Variants in SIPA1L1 observed in about 807,000 individuals in gnomAD.
SIPA1L1 encodes signal-induced proliferation-associated 1-like protein 1.
A neutral mutation model predicts 162.7 loss-of-function variants in SIPA1L1; 26 were observed. The ratio of observed to expected loss-of-function variants is 0.16; its 90% CI spans 0.12 to 0.22. SIPA1L1 has a LOEUF of 0.22. SIPA1L1 is among the 10% of genes least tolerant of loss of function. SIPA1L1 has a pLI of 1.00. For synonymous variants in SIPA1L1, 829 were observed against 837.4 expected (o/e 0.99, Z 0.17); for missense variants, 1,874 against 2,241.0 (o/e 0.84, Z 3.31).
chr14:71,469,367 G>A (rs958468488), intron 2 of SIPA1L1, among the ~76,000 whole-genome samples: 8 of 152,192 alleles, frequency 5.3e-5, no homozygotes, highest in African/African-American at 1.9e-4. Context: ...GGGCAACACT[G>A]TTTTCCTTGC....
intron 11 of SIPA1L1, among the ~76,000 whole-genome samples, chr14:71,671,901 C>CTGTG (rs34919280): frequency 0.022 from 3,170 of 142,656 alleles, 48 homozygotes; most frequent in Middle Eastern, 0.034. Context: ...CACATTTACT[C>CTGTG]TGTGTGTGTG....
chr14:71,327,249 A>C (rs933107975), intron 2 of SIPA1L1, among the ~76,000 whole-genome samples: 1 of 150,452 alleles, frequency 6.6e-6, no homozygotes, highest in Non-Finnish European at 1.5e-5. Flanking sequence ...TGCCCAGCTA[A>C]TTTTTTGTAT....
chr14:71,378,088 C>T (rs549533524), intron 2 of SIPA1L1, among the ~76,000 whole-genome samples: 24 of 150,514 alleles, frequency 1.6e-4, no homozygotes, highest in Non-Finnish European at 1.0e-4. Flanking sequence ...ATTTCTGATA[C>T]TAATGATTTG....
intron 17 of SIPA1L1, 40 bp downstream of exon 17, chr14:71,709,704 C>A (rs772410433): frequency 1.3e-6 from 2 of 1,559,626 alleles, no homozygotes; most frequent in East Asian, 2.2e-5. Flanking sequence ...CAGCCCAGAC[C>A]TAAGCCCAGT....
chr14:71,491,800 A>G (rs1160968349), intron 2 of SIPA1L1, among the ~76,000 whole-genome samples: 1 of 150,386 alleles, frequency 6.6e-6, no homozygotes, highest in Non-Finnish European at 1.5e-5. Flanking sequence ...ACACACACAC[A>G]CACACACACA....
chr14:71,380,682 A>T (rs2039819029), intron 2 of SIPA1L1, among the ~76,000 whole-genome samples: 1 of 152,318 alleles, frequency 6.6e-6, no homozygotes, highest in Admixed American at 6.5e-5. Context: ...CTTGATAGAG[A>T]GCCATAGCTC....
At chr14:71,617,657 C>G (rs560131632) in intron 5 of SIPA1L1, among the ~76,000 whole-genome samples, 1 of 152,060 alleles carries the variant, frequency 6.6e-6, no homozygotes, top group African/African-American at 2.4e-5. Flanking sequence ...TCTTATTATT[C>G]TCATGGATTT....
chr14:71,452,308 C>A (rs1239014710), intron 2 of SIPA1L1, among the ~76,000 whole-genome samples: 1 of 151,986 alleles, frequency 6.6e-6, no homozygotes, highest in Non-Finnish European at 1.5e-5. Flanking sequence ...AATATGTACT[C>A]TTTGGTTGTA....
intron 2 of SIPA1L1, among the ~76,000 whole-genome samples, chr14:71,364,779 T>G (rs2038127985): frequency 6.6e-6 from 1 of 151,862 alleles, no homozygotes; most frequent in Non-Finnish European, 1.5e-5. Context: ...AGAGTCTCAC[T>G]GTGTAGCCAA....
At chr14:71,642,101 A>G (rs745556188) in intron 7 of SIPA1L1, among the ~76,000 whole-genome samples, 1 of 152,218 alleles carries the variant, frequency 6.6e-6, no homozygotes, top group African/African-American at 2.4e-5. Context: ...TTAACTTTCC[A>G]CCTGAAACAA....
intron 22 of SIPA1L1, among the ~76,000 whole-genome samples, chr14:71,735,849 A>G (rs139183935): frequency 6.6e-6 from 1 of 152,304 alleles, no homozygotes; most frequent in Non-Finnish European, 1.5e-5. Context: ...CAGGATGGTT[A>G]AGATGGTATG....
chr14:71,533,573 A>C (rs189220499), intron 4 of SIPA1L1, among the ~76,000 whole-genome samples: 20 of 152,324 alleles, frequency 1.3e-4, no homozygotes, highest in African/African-American at 4.8e-4. Flanking sequence ...TAAGTAGAAG[A>C]AAGCCACAGA....
At chr14:71,617,259 G>C (rs997702245) in intron 5 of SIPA1L1, among the ~76,000 whole-genome samples, 1 of 152,092 alleles carries the variant, frequency 6.6e-6, no homozygotes, top group South Asian at 2.1e-4. Context: ...CTACACCCTG[G>C]ACTTTGTCAA....
intron 2 of SIPA1L1, among the ~76,000 whole-genome samples, chr14:71,417,328 G>A (rs1165278412): frequency 2.0e-5 from 3 of 150,646 alleles, no homozygotes; most frequent in Admixed American, 6.6e-5. Flanking sequence ...AAAATTAGCC[G>A]GGCGAGGTGG....
At chr14:71,356,567 C>CCAAAAAAAAAAAAA (rs777415215) in intron 2 of SIPA1L1, among the ~76,000 whole-genome samples, 48 of 39,162 alleles carry the variant, frequency 1.2e-3, no homozygotes, top group African/African-American at 5.2e-3. Context: ...CTTGTCTCTA[C>CCAAAAAAAAAAAAA]AAAAAAAAAA....
At chr14:71,725,674 G>A (rs1310642394) in intron 19 of SIPA1L1, among the ~76,000 whole-genome samples, 1 of 152,102 alleles carries the variant, frequency 6.6e-6, no homozygotes, top group Non-Finnish European at 1.5e-5. Flanking sequence ...ACGCCCCCGG[G>A]GATTGGAATG....
intron 2 of SIPA1L1, among the ~76,000 whole-genome samples, chr14:71,383,299 A>G (rs1019765536): frequency 4.6e-5 from 7 of 152,072 alleles, no homozygotes; most frequent in Non-Finnish European, 5.9e-5. Flanking sequence ...TGGAGAGTTC[A>G]CTCTTACTTG....
chr14:71,681,752 C>G (rs1415099594), intron 12 of SIPA1L1, among the ~76,000 whole-genome samples: 1 of 152,156 alleles, frequency 6.6e-6, no homozygotes, highest in African/African-American at 2.4e-5. Context: ...TTGTGATGTT[C>G]TGTTCAATTT....
At chr14:71,386,967 G>T (rs2040371987) in intron 2 of SIPA1L1, among the ~76,000 whole-genome samples, 1 of 152,180 alleles carries the variant, frequency 6.6e-6, no homozygotes, top group Non-Finnish European at 1.5e-5. Flanking sequence ...GAAAGACTGT[G>T]GCCGGGCGCA....
Sources: gnomAD v4.1 joint callset for allele counts (sites outside exome capture counted in the v4.1 genomes callset) on GRCh38, gnomAD v4.1.1 for gene constraint, MANE v1.5 for transcripts, NCBI Gene and HGNC (gene_info 2026-07-23, HGNC 2026-07-21) for gene names.